Variants in PIK3CB observed in about 807,000 individuals in gnomAD.
The protein encoded by PIK3CB is phosphatidylinositol-4,5-bisphosphate 3-kinase catalytic subunit beta.
A neutral mutation model predicts 136.8 loss-of-function variants in PIK3CB; 39 were observed. The observed-to-expected ratio is 0.29, with a 90% CI of 0.22 to 0.37. The LOEUF (loss-of-function observed/expected upper bound fraction) is 0.37, where lower values mean the gene tolerates loss of function less well. PIK3CB is among the 10% of genes least tolerant of loss of function. The pLI is 1.00. For synonymous variants in PIK3CB, 428 were observed against 436.6 expected, an observed-to-expected ratio of 0.98 and a Z score of 0.25; for missense variants, 868 against 1,275.4, an observed-to-expected ratio of 0.68 and a Z score of 4.87.
Position 138,732,162 on chromosome 3 carries a change from A to T in PIK3CB, c.1050+1199T>A, listed in dbSNP as rs145000606. On this transcript the variant is annotated intron_variant, in intron 8 of 23. Transcript: ENST00000674063. ...TAAATCAACATATCCATTACCACAC[A>T]CACTTTTCTTTTCTGAGGAGCGGTA... 3.8e-3 allele frequency among the ~76,000 whole-genome samples: 575 copies of T among 152,280 alleles called. 5 individuals carry two copies. Among genetic ancestry groups the T allele is most frequent in the African/African-American group, 0.013 (552 of 41,554 alleles).
At chr3:138,803,191 C>T (rs1019842162) in intron 1 of PIK3CB, among the ~76,000 whole-genome samples, 7 of 152,152 alleles carry the variant, frequency 4.6e-5, no homozygotes, top group African/African-American at 1.7e-4. Flanking sequence ...TCCACCTCTG[C>T]AAGCAGACAA....
At chr3:138,785,138 G>A (rs1192967970) in intron 2 of PIK3CB, among the ~76,000 whole-genome samples, 7 of 151,734 alleles carry the variant, frequency 4.6e-5, no homozygotes, top group Non-Finnish European at 1.0e-4. Flanking sequence ...CCGTCCGGGA[G>A]GGAGATGGGG....
chr3:138,775,197 A>T (rs1362387093), intron 2 of PIK3CB, among the ~76,000 whole-genome samples: 1 of 152,266 alleles, frequency 6.6e-6, no homozygotes, highest in Non-Finnish European at 1.5e-5. Flanking sequence ...GAGAGTCCAG[A>T]GAGGCAGGCT....
intron 1 of PIK3CB, among the ~76,000 whole-genome samples, chr3:138,830,588 C>T (rs1333920397): frequency 6.6e-6 from 1 of 151,544 alleles, no homozygotes; most frequent in African/African-American, 2.4e-5. Flanking sequence ...TCAAAAGGAA[C>T]AAGTCCAAGA....
chr3:138,809,416 G>T (rs1478522315), intron 1 of PIK3CB, among the ~76,000 whole-genome samples: 4 of 151,602 alleles, frequency 2.6e-5, no homozygotes, highest in African/African-American at 9.7e-5. Flanking sequence ...GACCAGCCTG[G>T]CCAACATGGT....
rs76752831 is a variant in PIK3CB at position 138,801,387 on chromosome 3, T to A, written c.-121-4820A>T. 8.6e-3 allele frequency among the ~76,000 whole-genome samples: 1,302 copies of A among 152,270 alleles called. 26 individuals carry two copies. The highest frequency in any genetic ancestry group is 0.028 in the African/African-American group (1,181 of 41,548). On this transcript the variant is annotated intron_variant, in intron 1 of 23. Coordinates refer to ENST00000674063, the MANE Select transcript of PIK3CB (RefSeq NM_006219.3). ...TATCAATGCATTAAATGGATAAAATTACCTATATTCAAAGTTGTAAGAATG... is the reference window on the plus strand; with the variant it reads ...TATCAATGCATTAAATGGATAAAATAACCTATATTCAAAGTTGTAAGAATG...
chr3:138,808,653 T>C (rs2046259859), intron 1 of PIK3CB, among the ~76,000 whole-genome samples: 1 of 151,534 alleles, frequency 6.6e-6, no homozygotes, highest in Non-Finnish European at 1.5e-5. Flanking sequence ...CACTGCACTC[T>C]AGCATGTACA....
chr3:138,736,996 C>T (rs1054772631), intron 6 of PIK3CB, among the ~76,000 whole-genome samples: 9 of 152,196 alleles, frequency 5.9e-5, no homozygotes, highest in African/African-American at 2.2e-4. Context: ...CAGAATATTT[C>T]ACGTTTATAC....
At position 138,694,868 on chromosome 3, in the gene PIK3CB, G is replaced by A. The variant is rs753827615; in HGVS notation, c.1810C>T (p.Arg604Trp). The A allele has an allele frequency of 2.3e-5, 37 of 1,606,220 alleles. No homozygotes were observed. The highest frequency in any genetic ancestry group is 5.1e-5 in the Admixed American group (3 of 59,270). Residue 604 changes from arginine to tryptophan, a missense_variant, in exon 14 of 24, where the codon CGG becomes TGG. Around this residue, in one of 4 missense-constraint regions of PIK3CB, gnomAD observed 612 missense variants for 801.1 expected, o/e 0.76. Transcript: ENST00000674063. ...LLQIWPKLPP[R>W]EALELLDFNY... ...AAATCCAGAAGCTCTAGGGCCTCCC[G>A]GGGGGGCAGTTTAGGCCAAATCTGA...
At chr3:138,760,124 C>T (rs1469403498) in intron 2 of PIK3CB, among the ~76,000 whole-genome samples, 5 of 152,058 alleles carry the variant, frequency 3.3e-5, no homozygotes, top group African/African-American at 1.2e-4. Context: ...GGGTTTCAAC[C>T]GTGTTAGCCA....
chr3:138,817,242 G>T (rs1576430515), intron 1 of PIK3CB, among the ~76,000 whole-genome samples: 5 of 152,326 alleles, frequency 3.3e-5, no homozygotes, highest in Admixed American at 3.3e-4. Flanking sequence ...GGAGGCTGAG[G>T]CAGGAGAATG....
chr3:138,757,852 G>A (rs1334176305), intron 3 of PIK3CB, among the ~76,000 whole-genome samples: 1 of 152,164 alleles, frequency 6.6e-6, no homozygotes, highest in Non-Finnish European at 1.5e-5. Flanking sequence ...CAGTGTGGCA[G>A]TTCCTCAAAA....
At position 138,653,685 on chromosome 3, in the gene PIK3CB, G is replaced by A. The variant is rs958949832; in HGVS notation, c.*1704C>T. 1 of 183,812 alleles carries A rather than the reference G, an allele frequency of 5.4e-6. No individual in the cohort carries two copies. Among genetic ancestry groups the A allele is most frequent in the African/African-American group, 2.4e-5 (1 of 42,522 alleles). The allele number at this position is 183,812 out of a possible 1,614,324, so 11.4% of individuals were successfully genotyped here. ...GGGGCCAACTCCCATCCTCAGCTGA[G>A]TTATTTCCAAGGAACTGGACTGCTC... On this transcript the variant is annotated 3_prime_UTR_variant, in exon 24 of 24. Coordinates refer to ENST00000674063, the MANE Select transcript of PIK3CB (RefSeq NM_006219.3).
At chr3:138,755,730 CTTT>C (rs567365442) in intron 4 of PIK3CB, 21 bp downstream of exon 4, 2 of 1,142,976 alleles carry the variant, frequency 1.7e-6, no homozygotes, top group African/African-American at 1.6e-5. Context: ...AGAATTTGTA[CTTT>C]TTTTTTATTT....
At chr3:138,805,339 AAACAAC>A (rs894261850) in intron 1 of PIK3CB, among the ~76,000 whole-genome samples, 1 of 144,050 alleles carries the variant, frequency 6.9e-6, no homozygotes, top group African/African-American at 2.6e-5. Context: ...TCTCAAAAAC[AAACAAC>A]AACAACAACA....
intron 21 of PIK3CB, among the ~76,000 whole-genome samples, chr3:138,662,891 T>C (rs933047976): frequency 6.6e-6 from 1 of 152,224 alleles, no homozygotes; most frequent in Non-Finnish European, 1.5e-5. Context: ...CATGTGTCTG[T>C]TGGCTGCATA....
At chr3:138,826,191 G>A in intron 1 of PIK3CB, 5 of 1,235,452 alleles carry the variant, frequency 4.0e-6, no homozygotes, top group African/African-American at 1.5e-5. Flanking sequence ...GAGCTTCTAG[G>A]ACTATCCTCC....
chr3:138,741,181 A>C (rs561178193), intron 5 of PIK3CB, among the ~76,000 whole-genome samples: 2 of 152,184 alleles, frequency 1.3e-5, no homozygotes, highest in South Asian at 4.1e-4. Flanking sequence ...TCTTTTTTTC[A>C]CATCTGTCCT....
chr3:138,824,409 A>G (rs532612303), intron 1 of PIK3CB, among the ~76,000 whole-genome samples: 7 of 152,250 alleles, frequency 4.6e-5, no homozygotes, highest in African/African-American at 1.7e-4. Context: ...GTTGAGATTC[A>G]CATTCTTGAT....
Sources: allele counts gnomAD v4.1 joint callset (sites outside exome capture counted in the v4.1 genomes callset), GRCh38; gene constraint gnomAD v4.1.1; regional missense constraint gnomAD v4.1.1; transcripts MANE v1.5; gene names NCBI Gene and HGNC (gene_info 2026-07-23, HGNC 2026-07-21).